Variants in DUSP16 observed in about 807,000 individuals in gnomAD.
DUSP16 encodes dual specificity protein phosphatase 16.
Under a neutral mutation model 58.3 loss-of-function variants are expected in DUSP16, and 21 were observed. That is an observed-to-expected ratio of 0.36 (90% CI 0.26 to 0.52). The LOEUF (loss-of-function observed/expected upper bound fraction) is 0.52, where lower values mean the gene tolerates loss of function less well. DUSP16 is among the 20% of genes least tolerant of loss of function. The probability of loss-of-function intolerance (pLI) is 0.94; values close to 1 mark genes in which losing one functional copy is unlikely to be tolerated. For missense variants in DUSP16, 726 were observed against 819.0 expected (o/e 0.89, Z 1.39); for synonymous variants, 320 against 323.8 (o/e 0.99, Z 0.12).
chr12:12,477,296 T>G lies in DUSP16; in HGVS notation c.1535A>C (p.Asn512Thr). ...GCCGAAAAGGAAGCTGGTGTGGTAA[T>G]TGTCCTCCACGCTCCCACTTCGATG... ...PLHRSGSVEDNYHTSFLFGLS... is the reference protein window; with the variant it reads ...PLHRSGSVEDTYHTSFLFGLS... Residue 512 changes from asparagine (N) to threonine (T), a missense_variant, in exon 7 of 7, where the codon AAT becomes ACT. Transcript: ENST00000298573. The surrounding 1 kb of genome is among the most constrained non-coding windows in gnomAD (Gnocchi z 4.1). The G allele has an allele frequency of 6.2e-7, 1 of 1,614,188 alleles. No homozygotes were observed.
At chr12:12,510,655 G>C (rs1190529332) in intron 3 of DUSP16, among the ~76,000 whole-genome samples, 1 of 152,220 alleles carries the variant, frequency 6.6e-6, no homozygotes, top group Non-Finnish European at 1.5e-5. Flanking sequence ...CCAAGACAGA[G>C]AGCCTTCTCT....
intron 1 of DUSP16, among the ~76,000 whole-genome samples, chr12:12,531,985 C>T (rs1944394046): frequency 1.3e-5 from 2 of 151,722 alleles, no homozygotes; most frequent in South Asian, 2.1e-4. Flanking sequence ...GGTGAAACCC[C>T]GTCTCTACTA....
At chr12:12,478,143 C>T in intron 6 of DUSP16, 128 bp from the exon 7 acceptor site, 1 of 875,726 alleles carries the variant, frequency 1.1e-6, no homozygotes, top group Non-Finnish European at 1.8e-6. Context: ...GATTGGTTTA[C>T]AAGTTCGGGG....
chr12:12,495,032 G>C (rs1943809681), intron 4 of DUSP16, among the ~76,000 whole-genome samples: 1 of 152,050 alleles, frequency 6.6e-6, no homozygotes. Context: ...ATCTTGGGAA[G>C]GTTACCTAAC....
intron 1 of DUSP16, among the ~76,000 whole-genome samples, chr12:12,521,973 C>T (rs1944243748): frequency 6.6e-6 from 1 of 152,156 alleles, no homozygotes; most frequent in Non-Finnish European, 1.5e-5. Flanking sequence ...TGTGTGTGCA[C>T]ATGTGAGCTC....
chr12:12,475,509 CTA>C lies in DUSP16; in HGVS notation c.*1322_*1323del, dbSNP rs1374043533. On this transcript the variant is annotated 3_prime_UTR_variant, in exon 7 of 7. Coordinates refer to ENST00000298573, the MANE Select transcript of DUSP16 (RefSeq NM_030640.3). ...AACAGCTTGGCCATGGCTTTGCACTCTATTCACAACTGATCAAAACTCAATGG... is the reference window on the plus strand; with the variant it reads ...AACAGCTTGGCCATGGCTTTGCACTCTTCACAACTGATCAAAACTCAATGG... 1 of 152,230 alleles carries C rather than the reference CTA, an allele frequency of 6.6e-6. No individual in the cohort carries two copies. Among genetic ancestry groups the C allele is most frequent in the Non-Finnish European group, 1.5e-5 (1 of 68,048 alleles). The allele number at this position is 152,230 out of a possible 1,614,324, so 9.4% of individuals were successfully genotyped here. A position where few individuals can be genotyped will look rare whatever the true frequency, so the allele number is the denominator to read the frequency against.
At chr12:12,503,491 T>A (rs1469593336) in intron 3 of DUSP16, among the ~76,000 whole-genome samples, 1 of 152,102 alleles carries the variant, frequency 6.6e-6, no homozygotes. Flanking sequence ...TCCCCGTTTT[T>A]TTGTTACGGT....
intron 1 of DUSP16, among the ~76,000 whole-genome samples, chr12:12,532,179 AC>A (rs1944399628): frequency 6.6e-6 from 1 of 152,216 alleles, no homozygotes; most frequent in African/African-American, 2.4e-5. Context: ...AAAAAACAAA[AC>A]AAAGTGACTT....
chr12:12,481,444 T>C (rs1943562817), intron 5 of DUSP16, among the ~76,000 whole-genome samples: 2 of 152,188 alleles, frequency 1.3e-5, no homozygotes, highest in Non-Finnish European at 2.9e-5. Flanking sequence ...TCATTCTTGG[T>C]AGATACTACC....
intron 1 of DUSP16, among the ~76,000 whole-genome samples, chr12:12,525,054 T>C (rs543138034): frequency 1.4e-4 from 21 of 152,346 alleles, no homozygotes; most frequent in Non-Finnish European, 2.2e-4. Context: ...AAAGATTTTT[T>C]TAAATTAATA....
chr12:12,557,061 C>G (rs1006377768), intron 1 of DUSP16, among the ~76,000 whole-genome samples: 4 of 151,970 alleles, frequency 2.6e-5, no homozygotes, highest in Admixed American at 2.0e-4. Context: ...GCTAACTGAA[C>G]AGTAAACAAT....
At chr12:12,500,487 C>G in intron 4 of DUSP16, 32 bp downstream of exon 4, 1 of 1,575,642 alleles carries the variant, frequency 6.3e-7, no homozygotes, top group Non-Finnish European at 8.6e-7. Flanking sequence ...CAATATAAAC[C>G]CAGCAATGAA....
At chr12:12,557,043 G>C (rs150557443) in intron 1 of DUSP16, among the ~76,000 whole-genome samples, 179 of 152,094 alleles carry the variant, frequency 1.2e-3, no homozygotes, top group East Asian at 9.7e-3. Flanking sequence ...AGCCCAATAC[G>C]TGAAAAAGCT....
At chr12:12,509,588 T>C (rs2136221771) in intron 3 of DUSP16, among the ~76,000 whole-genome samples, 1 of 152,330 alleles carries the variant, frequency 6.6e-6, no homozygotes, top group East Asian at 1.9e-4. Flanking sequence ...ACCACTGACC[T>C]AGTAACTGTG....
At chr12:12,550,145 T>C (rs1566055700) in intron 1 of DUSP16, among the ~76,000 whole-genome samples, 1 of 151,794 alleles carries the variant, frequency 6.6e-6, no homozygotes, top group Non-Finnish European at 1.5e-5. Context: ...TGATGGAGGG[T>C]GCCTGTAATC....
chr12:12,541,290 A>G (rs1012699002), intron 1 of DUSP16, among the ~76,000 whole-genome samples: 2 of 151,992 alleles, frequency 1.3e-5, no homozygotes, highest in East Asian at 3.9e-4. Context: ...CACTGATTTT[A>G]GAGGGAAAGG....
At chr12:12,536,449 A>G in intron 1 of DUSP16, among the ~76,000 whole-genome samples, 1 of 152,242 alleles carries the variant, frequency 6.6e-6, no homozygotes, top group East Asian at 1.9e-4. Flanking sequence ...TAGACATAAT[A>G]AAAGGCTGAA....
chr12:12,539,327 A>G (rs1262813938), intron 1 of DUSP16, among the ~76,000 whole-genome samples: 2 of 152,248 alleles, frequency 1.3e-5, no homozygotes, highest in Non-Finnish European at 2.9e-5. Context: ...GAGCACAACA[A>G]TTCACTTATG....
At chr12:12,481,465 T>C (rs1473866893) in intron 5 of DUSP16, among the ~76,000 whole-genome samples, 1 of 152,240 alleles carries the variant, frequency 6.6e-6, no homozygotes, top group Non-Finnish European at 1.5e-5. Flanking sequence ...AAAAGTCTAC[T>C]GAACCTTGTG....
Sources: gnomAD v4.1 joint callset for allele counts (sites outside exome capture counted in the v4.1 genomes callset) on GRCh38, gnomAD v4.1.1 for gene constraint, Gnocchi (gnomAD v3.1) non-coding constraint, MANE v1.5 for transcripts, NCBI Gene and HGNC (gene_info 2026-07-23, HGNC 2026-07-21) for gene names.